The following TMEM178B variants were observed in gnomAD, a reference collection of about 807,000 sequenced individuals.
TMEM178B encodes transmembrane protein 178B.
Under a neutral mutation model 31.0 loss-of-function variants are expected in TMEM178B, and 5 were observed. The ratio of observed to expected loss-of-function variants is 0.16; its 90% CI spans 0.08 to 0.34. TMEM178B has a LOEUF of 0.34. Among genes scored for constraint, TMEM178B ranks in the 10% least tolerant of loss-of-function variants. The pLI is 1.00. For missense variants in TMEM178B, 275 were observed against 400.3 expected, an observed-to-expected ratio of 0.69 and a Z score of 2.67; for synonymous variants, 164 against 164.0, an observed-to-expected ratio of 1.00 and a Z score of 0.00.
At chr7:141,158,843 T>C (rs577249205) in intron 1 of TMEM178B, among the ~76,000 whole-genome samples, 1 of 152,256 alleles carries the variant, frequency 6.6e-6, no homozygotes, top group Non-Finnish European at 1.5e-5. Context: ...CTTGGTCCTG[T>C]GGGTGACCTC....
chr7:141,088,991 A>C (rs1025266541), intron 1 of TMEM178B, among the ~76,000 whole-genome samples: 1 of 152,242 alleles, frequency 6.6e-6, no homozygotes, highest in Non-Finnish European at 1.5e-5. Flanking sequence ...ACTTTCATTC[A>C]TTCAACAAAT....
At chr7:141,411,036 A>T (rs1158828642) in intron 2 of TMEM178B, among the ~76,000 whole-genome samples, 1 of 152,090 alleles carries the variant, frequency 6.6e-6, no homozygotes, top group East Asian at 1.9e-4. Flanking sequence ...AATGGTGTTC[A>T]TGATGATTGC....
chr7:141,183,759 A>G (rs890009784), intron 1 of TMEM178B, among the ~76,000 whole-genome samples: 10 of 152,226 alleles, frequency 6.6e-5, no homozygotes, highest in African/African-American at 1.9e-4. Flanking sequence ...ATGATGGATA[A>G]TTATGAATAT....
intron 2 of TMEM178B, among the ~76,000 whole-genome samples, chr7:141,310,688 T>C (rs1798893998): frequency 6.6e-6 from 1 of 152,180 alleles, no homozygotes. Flanking sequence ...AATAACGCTT[T>C]TACACTGTTG....
intron 1 of TMEM178B, among the ~76,000 whole-genome samples, chr7:141,123,061 C>T (rs1487729760): frequency 1.3e-5 from 2 of 152,224 alleles, no homozygotes; most frequent in Non-Finnish European, 2.9e-5. Flanking sequence ...TGCTTCTTCT[C>T]CTTTAATTAT....
At chr7:141,423,372 A>G (rs1801249787) in intron 2 of TMEM178B, among the ~76,000 whole-genome samples, 1 of 152,192 alleles carries the variant, frequency 6.6e-6, no homozygotes, top group African/African-American at 2.4e-5. Flanking sequence ...ATGTTCTCAT[A>G]TCAACATGCA....
At chr7:141,404,081 G>A (rs893229828) in intron 2 of TMEM178B, among the ~76,000 whole-genome samples, 13 of 152,274 alleles carry the variant, frequency 8.5e-5, no homozygotes, top group Non-Finnish European at 1.6e-4. Flanking sequence ...CGAGACGGGC[G>A]GATCACGTGG....
rs55717516 is a variant in TMEM178B, at chr7:141,220,340, AT to A, written c.496+7637del. On this transcript the variant is annotated intron_variant, in intron 2 of 3. Coordinates refer to ENST00000565468, the MANE Select transcript of TMEM178B (RefSeq NM_001195278.2). Reference sequence around the variant, plus strand: ...AATAATAATAATAATAATAATAATAATAATAATAATAATAATAATAAAATAA... The same window carrying A: ...AATAATAATAATAATAATAATAATAAAATAATAATAATAATAATAAAATAA... Among the ~76,000 whole-genome samples the A allele has an allele frequency of 9.7e-5, 7 of 71,852 alleles. No homozygotes were observed. The South Asian group carries it at 2.0e-3, about 20-fold the overall frequency. The allele number at this position is 71,852 out of a possible 152,430, so 47.1% of individuals were successfully genotyped here. A position where few individuals can be genotyped will look rare whatever the true frequency, so the allele number is the denominator to read the frequency against.
At chr7:141,462,457 C>T (rs1038640409) in intron 3 of TMEM178B, among the ~76,000 whole-genome samples, 4 of 151,492 alleles carry the variant, frequency 2.6e-5, no homozygotes, top group East Asian at 1.9e-4. Context: ...ATGTTGCCAG[C>T]GAGGACGTGT....
chr7:141,205,407 T>TCAGC (rs1433710804), intron 1 of TMEM178B, among the ~76,000 whole-genome samples: 2 of 152,208 alleles, frequency 1.3e-5, no homozygotes, highest in African/African-American at 4.8e-5. Context: ...GGCCACCCTG[T>TCAGC]CAGCACCAGG....
chr7:141,466,084 G>A (rs1802144209), intron 3 of TMEM178B, among the ~76,000 whole-genome samples: 1 of 152,150 alleles, frequency 6.6e-6, no homozygotes, highest in Non-Finnish European at 1.5e-5. Context: ...TAGCATATAT[G>A]GAAATTAATC....
At chr7:141,494,271 G>A in the TMEM178B span, among the ~76,000 whole-genome samples, 1 of 152,048 alleles carries the variant, frequency 6.6e-6, no homozygotes. Context: ...TGAATTCGGT[G>A]GACACAATGA....
At chr7:141,394,248 C>T (rs956617373) in intron 2 of TMEM178B, among the ~76,000 whole-genome samples, 2 of 152,230 alleles carry the variant, frequency 1.3e-5, no homozygotes, top group Non-Finnish European at 2.9e-5. Context: ...TTCACCCCCG[C>T]CTGTTGCTGG....
chr7:141,114,130 A>G (rs1359166322), intron 1 of TMEM178B, among the ~76,000 whole-genome samples: 1 of 152,206 alleles, frequency 6.6e-6, no homozygotes, highest in Non-Finnish European at 1.5e-5. Context: ...GTTTGCATTG[A>G]TTCTATAGGA....
At chr7:141,183,558 A>G (rs1386774326) in intron 1 of TMEM178B, among the ~76,000 whole-genome samples, 3 of 152,212 alleles carry the variant, frequency 2.0e-5, no homozygotes. Context: ...CTGATGTGTT[A>G]GTCACCACAT....
intron 1 of TMEM178B, among the ~76,000 whole-genome samples, chr7:141,186,197 C>A (rs891728514): frequency 6.6e-6 from 1 of 152,116 alleles, no homozygotes; most frequent in Non-Finnish European, 1.5e-5. Context: ...GATAGGAAAC[C>A]AGAGCTAATC....
intron 1 of TMEM178B, among the ~76,000 whole-genome samples, chr7:141,099,660 T>C (rs1586767553): frequency 6.6e-6 from 1 of 152,340 alleles, no homozygotes; most frequent in African/African-American, 2.4e-5. Context: ...CAGTTTCTTA[T>C]GTATCAACTG....
chr7:141,444,847 G>A (rs750330166), intron 3 of TMEM178B, among the ~76,000 whole-genome samples: 11 of 151,832 alleles, frequency 7.2e-5, no homozygotes, highest in Non-Finnish European at 1.0e-4. Flanking sequence ...AGAAGCAGGG[G>A]CCCCACAGCC....
intron 1 of TMEM178B, among the ~76,000 whole-genome samples, chr7:141,156,977 C>T (rs963248969): frequency 1.1e-4 from 16 of 152,224 alleles, no homozygotes; most frequent in African/African-American, 3.4e-4. Flanking sequence ...GCTGGCCTCC[C>T]AGCTATAGTT....
Sources: allele counts gnomAD v4.1 joint callset (sites outside exome capture counted in the v4.1 genomes callset), GRCh38; gene constraint gnomAD v4.1.1; transcripts MANE v1.5; gene names NCBI Gene and HGNC (gene_info 2026-07-23, HGNC 2026-07-21).